The following SEMA5A variants were observed in gnomAD, a reference collection of about 807,000 sequenced individuals.
SEMA5A encodes the protein semaphorin 5A, also known as semaphorin-5A.
In SEMA5A, 55 loss-of-function variants were observed where a neutral mutation model predicts 135.5. That is an observed-to-expected ratio of 0.41 (90% CI 0.33 to 0.51). The LOEUF (loss-of-function observed/expected upper bound fraction) is 0.51. Among genes scored for constraint, SEMA5A ranks in the 20% least tolerant of loss-of-function variants. The probability of loss-of-function intolerance (pLI) is 0.37; values close to 1 mark genes in which losing one functional copy is unlikely to be tolerated. For missense variants in SEMA5A, 1,290 were observed against 1,419.9 expected (o/e 0.91, Z 1.47); for synonymous variants, 580 against 546.5 (o/e 1.06, Z -0.85).
chr5:9,256,943 G>A (rs1561077982), intron 5 of SEMA5A, among the ~76,000 whole-genome samples: 1 of 152,226 alleles, frequency 6.6e-6, no homozygotes, highest in Non-Finnish European at 1.5e-5. Context: ...GCATATCTAT[G>A]TGATGTGAAT....
At chr5:9,202,916 T>C (rs1429652053) in intron 8 of SEMA5A, among the ~76,000 whole-genome samples, 3 of 152,176 alleles carry the variant, frequency 2.0e-5, no homozygotes, top group Admixed American at 1.3e-4. Flanking sequence ...GGGAAGAGTA[T>C]GGGGATGGAG....
In SEMA5A at chr5:9,384,659, GAT is replaced by G. The variant is rs1246068742; in HGVS notation, c.-77-4638_-77-4637del. ...AGATAGATAGATAGATAGATAGATA[GAT>G]ATAGATAGATAGATATAGATAGATA... On this transcript the variant is annotated intron_variant, in intron 2 of 22. Transcript: ENST00000382496. Among the ~76,000 whole-genome samples, 521 of 83,846 alleles carry G rather than the reference GAT, an allele frequency of 6.2e-3. 19 individuals carry two copies. The highest frequency in any genetic ancestry group is 0.015 in the African/African-American group (347 of 22,958). The allele number at this position is 83,846 out of a possible 152,430, so 55.0% of individuals were successfully genotyped here. A position where few individuals can be genotyped will look rare whatever the true frequency, so the allele number is the denominator to read the frequency against.
At chr5:9,166,672 C>T (rs1400789688) in intron 11 of SEMA5A, among the ~76,000 whole-genome samples, 1 of 152,184 alleles carries the variant, frequency 6.6e-6, no homozygotes, top group Non-Finnish European at 1.5e-5. Context: ...AAGCTCCTTG[C>T]AGTACCCTAA....
rs150240902 is a variant in SEMA5A, at chr5:9,068,465, T to A, written c.2074-1819A>T. ...TGGAGGAAGAGGGCAGAACTCTCAGTGTCCAGTAGACACCCACTTATCTCA... is the reference window on the plus strand; with the variant it reads ...TGGAGGAAGAGGGCAGAACTCTCAGAGTCCAGTAGACACCCACTTATCTCA... On this transcript the variant is annotated intron_variant, in intron 16 of 22. Coordinates refer to ENST00000382496, the MANE Select transcript of SEMA5A (RefSeq NM_003966.3). 1.9e-3 allele frequency among the ~76,000 whole-genome samples: 292 copies of A among 152,228 alleles called. 3 individuals are homozygous for A. Among genetic ancestry groups the A allele is most frequent in the African/African-American group, 6.7e-3 (279 of 41,518 alleles).
At chr5:9,321,358 C>A (rs1428696605) in intron 4 of SEMA5A, among the ~76,000 whole-genome samples, 2 of 152,172 alleles carry the variant, frequency 1.3e-5, no homozygotes, top group East Asian at 3.9e-4. Flanking sequence ...ATTGTACACC[C>A]GTTGCCTCTA....
At chr5:9,503,797 T>C (rs1238155403) in intron 1 of SEMA5A, among the ~76,000 whole-genome samples, 2 of 152,218 alleles carry the variant, frequency 1.3e-5, no homozygotes, top group Admixed American at 1.3e-4. Context: ...TTTTAAGTCA[T>C]AGATTTATTT....
intron 16 of SEMA5A, among the ~76,000 whole-genome samples, chr5:9,105,053 G>A (rs1187760947): frequency 6.6e-6 from 1 of 152,180 alleles, no homozygotes; most frequent in Non-Finnish European, 1.5e-5. Flanking sequence ...AAGCCCAGAG[G>A]GCAGTGAATG....
At chr5:9,482,220 T>G (rs564240382) in intron 1 of SEMA5A, among the ~76,000 whole-genome samples, 1 of 152,250 alleles carries the variant, frequency 6.6e-6, no homozygotes, top group South Asian at 2.1e-4. Context: ...ATTATAGACT[T>G]TTCCTACTCC....
At position 9,540,417 on chromosome 5, in the gene SEMA5A, G is replaced by A. The variant is rs535117379; in HGVS notation, c.-175+5167C>T. On this transcript the variant is annotated intron_variant, in intron 1 of 22. Coordinates refer to ENST00000382496, the MANE Select transcript of SEMA5A (RefSeq NM_003966.3). ...ATCCAGGCTAACATGGTGAAACCCC[G>A]TCTCTACTAAAAATTCAAAAAAAAA... Among the ~76,000 whole-genome samples the A allele has an allele frequency of 7.1e-4, 96 of 134,740 alleles. 1 individual carries two copies. The highest frequency in any genetic ancestry group is 4.5e-3 in the South Asian group (18 of 4,000). 88.4% of individuals were successfully genotyped at this position (134,740 alleles called of 152,430 possible).
rs550314551 is a variant in SEMA5A, at chr5:9,488,798, A to G, written c.-174-50946T>C. On this transcript the variant is annotated intron_variant, in intron 1 of 22. Transcript: ENST00000382496. ...ATTAGGTCTAGGACAAATCCACCAT[A>G]AGGTTCAAAGATTTTGGAAAGAAGA... Among the ~76,000 whole-genome samples, 4 of 152,300 alleles carry G rather than the reference A, an allele frequency of 2.6e-5. No individual in the cohort carries two copies. In the East Asian group the frequency reaches 5.8e-4, roughly 22 times the overall value.
Position 9,154,089 on chromosome 5 carries a change from A to ATGTG in SEMA5A, c.1481+398_1481+399insCACA, listed in dbSNP as rs1411582465. Among the ~76,000 whole-genome samples the ATGTG allele has an allele frequency of 0.034, 2,661 of 78,926 alleles. 229 individuals are homozygous for ATGTG. In the East Asian group the frequency reaches 0.34, roughly 10 times the overall value. 51.8% of individuals were successfully genotyped at this position (78,926 alleles called of 152,430 possible). ...TATATATATATATATATATATATAT[A>ATGTG]TATATGTGTGTGTGTGTATGTGTGT... On this transcript the variant is annotated intron_variant, in intron 12 of 22. Transcript: ENST00000382496.
At chr5:9,384,657 TAGATATAG>T (rs1421166256) in intron 2 of SEMA5A, among the ~76,000 whole-genome samples, 5 of 126,070 alleles carry the variant, frequency 4.0e-5, no homozygotes, top group Non-Finnish European at 8.7e-5. Flanking sequence ...GATAGATAGA[TAGATATAG>T]ATAGATAGAT....
intron 2 of SEMA5A, among the ~76,000 whole-genome samples, chr5:9,415,902 C>A (rs1171313149): frequency 1.3e-5 from 2 of 152,162 alleles, no homozygotes; most frequent in Non-Finnish European, 2.9e-5. Flanking sequence ...TGTTGGACAA[C>A]TTTCTTATTT....
chr5:9,435,051 A>G (rs933635869), intron 2 of SEMA5A, among the ~76,000 whole-genome samples: 1 of 152,220 alleles, frequency 6.6e-6, no homozygotes, highest in Non-Finnish European at 1.5e-5. Context: ...AATTTAAAAA[A>G]TCATACCACA....
chr5:9,259,627 T>C (rs115506532), intron 5 of SEMA5A, among the ~76,000 whole-genome samples: 4,581 of 152,112 alleles, frequency 0.03, 94 homozygotes, highest in Non-Finnish European at 0.044. Flanking sequence ...TCTGTCTCCC[T>C]GCTCCTGAAT....
intron 5 of SEMA5A, among the ~76,000 whole-genome samples, chr5:9,245,836 A>G (rs1748452321): frequency 6.6e-6 from 1 of 152,166 alleles, no homozygotes; most frequent in South Asian, 2.1e-4. Context: ...GCAAGTCACT[A>G]TTTTAAGGAA....
At chr5:9,297,084 G>A (rs2150599404) in intron 5 of SEMA5A, among the ~76,000 whole-genome samples, 1 of 151,972 alleles carries the variant, frequency 6.6e-6, no homozygotes, top group East Asian at 1.9e-4. Flanking sequence ...CATGAAAACA[G>A]TATTGGATGG....
intron 17 of SEMA5A, 136 bp from the exon 18 acceptor site, chr5:9,063,241 C>T: frequency 1.2e-6 from 1 of 860,810 alleles, no homozygotes; most frequent in Non-Finnish European, 1.8e-6. Context: ...GCTCTTTTTA[C>T]ACTTCAGTAG....
At chr5:9,404,398 T>C (rs574203600) in intron 2 of SEMA5A, among the ~76,000 whole-genome samples, 50 of 152,294 alleles carry the variant, frequency 3.3e-4, no homozygotes, top group African/African-American at 1.1e-3. Flanking sequence ...CTAATCAAAG[T>C]CATAAAGTCA....
Sources: gnomAD v4.1 joint callset for allele counts (sites outside exome capture counted in the v4.1 genomes callset) on GRCh38, gnomAD v4.1.1 for gene constraint, MANE v1.5 for transcripts, NCBI Gene and HGNC (gene_info 2026-07-23, HGNC 2026-07-21) for gene names.